Variants in FBXL18 observed in about 807,000 individuals in gnomAD.
The protein encoded by FBXL18 is F-box and leucine rich repeat protein 18, also known as F-box/LRR-repeat protein 18.
Under a neutral mutation model 46.0 loss-of-function variants are expected in FBXL18, and 36 were observed. The ratio of observed to expected loss-of-function variants is 0.78; its 90% CI spans 0.60 to 1.03. The LOEUF is 1.03. Ranked by LOEUF, FBXL18 falls within the 50% of genes least tolerant of loss-of-function variation. The probability of loss-of-function intolerance (pLI) is 0.00; values close to 1 mark genes in which losing one functional copy is unlikely to be tolerated. For synonymous variants in FBXL18, 557 were observed against 465.3 expected, an observed-to-expected ratio of 1.20 and a Z score of -2.54; for missense variants, 977 against 1,004.1, an observed-to-expected ratio of 0.97 and a Z score of 0.36.
downstream of FBXL18, among the ~76,000 whole-genome samples, chr7:5,471,363 G>A (rs912756600): frequency 4.6e-5 from 7 of 152,112 alleles, no homozygotes; most frequent in African/African-American, 1.4e-4. Context: ...TACAACCTCC[G>A]CCTCCCGGGT....
Position 5,496,877 on chromosome 7 carries a change from A to C in FBXL18, c.1781+3611T>G, listed in dbSNP as rs1271289262. Among the ~76,000 whole-genome samples the C allele has an allele frequency of 6.6e-6, 1 of 151,878 alleles. No homozygotes were observed. Among genetic ancestry groups the C allele is most frequent in the Non-Finnish European group, 1.5e-5 (1 of 67,936 alleles). On this transcript the variant is annotated intron_variant, in intron 3 of 4. Transcript: ENST00000382368. The surrounding 1 kb of genome is among the most constrained non-coding windows in gnomAD (Gnocchi z 4.8). ...CCCGTCTCTACTAAAAATACAAAAA[A>C]AAAATTAGCCGAGTATGGTGGTGGG... is the stretch of plus-strand genomic sequence containing the variant.
At chr7:5,486,783 G>A (rs999548070) in intron 4 of FBXL18, among the ~76,000 whole-genome samples, 1 of 152,210 alleles carries the variant, frequency 6.6e-6, no homozygotes, top group African/African-American at 2.4e-5. Flanking sequence ...ACAGGTCACC[G>A]GCGACAGGTC....
intron 3 of FBXL18, chr7:5,495,951 C>G (rs749827057): frequency 8.6e-6 from 4 of 464,880 alleles, no homozygotes; most frequent in Non-Finnish European, 1.8e-5. Flanking sequence ...TGAGCAGGGT[C>G]GGTCTCTCAG....
chr7:5,499,257 C>T (rs369803848), intron 3 of FBXL18, among the ~76,000 whole-genome samples: 31 of 152,020 alleles, frequency 2.0e-4, no homozygotes, highest in African/African-American at 5.8e-4. Flanking sequence ...TGAAACCCCT[C>T]GGCACTGTTG....
rs1309849297 is a variant in FBXL18 at position 5,505,580 on chromosome 7, T to C, written c.69A>G (p.Ala23=). Reference sequence around the variant, plus strand: ...AGAACCCTAGGAGGTGGACCCCGTCTGCCATCCCGGCTGCTGCAGGGTGCA... The same window carrying C: ...AGAACCCTAGGAGGTGGACCCCGTCCGCCATCCCGGCTGCTGCAGGGTGCA... ...DDMHPAAAGM[A]DGVHLLGFSD... is the part of the protein sequence containing the mutation. The change falls in exon 2 of 5, where the codon GCA becomes GCG. Residue 23 remains alanine (A), a synonymous_variant. Coordinates refer to ENST00000382368, the MANE Select transcript of FBXL18 (RefSeq NM_024963.6). The C allele has an allele frequency of 6.2e-7, 1 of 1,614,076 alleles. No homozygotes were observed. The highest frequency in any genetic ancestry group is 1.3e-5 in the African/African-American group (1 of 75,042).
intron 4 of FBXL18, among the ~76,000 whole-genome samples, chr7:5,457,861 G>A (rs939775235): frequency 9.2e-5 from 14 of 152,160 alleles, no homozygotes; most frequent in Non-Finnish European, 1.9e-4. Flanking sequence ...GCTGGCCTGG[G>A]CCCACAGCCT....
downstream of FBXL18, among the ~76,000 whole-genome samples, chr7:5,474,910 G>A (rs1191469544): frequency 1.0e-4 from 15 of 149,320 alleles, no homozygotes; most frequent in Admixed American, 2.7e-4. Context: ...GGGTTTCACC[G>A]TGTTCGCCAG....
At chr7:5,489,557 T>G (rs1184304883) in intron 4 of FBXL18, 36 of 295,678 alleles carry the variant, frequency 1.2e-4, no homozygotes, top group Non-Finnish European at 1.9e-4. Flanking sequence ...GATCATGAGG[T>G]CAGGAGATCG....
At chr7:5,487,761 C>T (rs776146911) in intron 4 of FBXL18, among the ~76,000 whole-genome samples, 2 of 152,164 alleles carry the variant, frequency 1.3e-5, no homozygotes, top group Non-Finnish European at 2.9e-5. Flanking sequence ...AGGCACACTG[C>T]GAACACGGAC....
downstream of FBXL18, among the ~76,000 whole-genome samples, chr7:5,472,423 C>G (rs925737768): frequency 2.6e-5 from 4 of 152,190 alleles, no homozygotes; most frequent in Non-Finnish European, 4.4e-5. Flanking sequence ...AGCCAGGGCC[C>G]GTCCTTCTGG....
chr7:5,500,431 C>T, intron 3 of FBXL18, 57 bp downstream of exon 3: 1 of 1,501,270 alleles, frequency 6.7e-7, no homozygotes, highest in Non-Finnish European at 9.0e-7. Context: ...CGCGAACGCC[C>T]CAGTTCCCTC....
downstream of FBXL18, among the ~76,000 whole-genome samples, chr7:5,474,839 C>T (rs898924834): frequency 1.9e-4 from 29 of 150,898 alleles, no homozygotes; most frequent in Admixed American, 3.3e-4. Context: ...TCCCGAGCAG[C>T]TGGGACTACA....
At chr7:5,495,832 C>G (rs1325474161) in intron 3 of FBXL18, 3 of 479,540 alleles carry the variant, frequency 6.3e-6, no homozygotes, top group Non-Finnish European at 4.3e-6. Context: ...CAGCTGGCAG[C>G]GTCTGGGAAC....
At position 5,476,374 on chromosome 7, in the gene FBXL18, C is replaced by A. The variant is rs1478470336; in HGVS notation, c.*5401G>T. The stretch of plus-strand genomic sequence containing the variant: ...TGGAGAAAAGCCTCCCGGGACCAAC[C>A]CTCATTCCCAGGTCCACTGATCTGG... On this transcript the variant is annotated 3_prime_UTR_variant, in exon 5 of 5. Coordinates refer to ENST00000382368, the MANE Select transcript of FBXL18 (RefSeq NM_024963.6). The A allele has an allele frequency of 6.6e-6, 1 of 152,232 alleles. No individual in the cohort carries two copies. Among genetic ancestry groups the A allele is most frequent in the Non-Finnish European group, 1.5e-5 (1 of 68,058 alleles). 9.4% of individuals were successfully genotyped at this position (152,232 alleles called of 1,614,324 possible).
chr7:5,489,139 G>A (rs935690036), intron 4 of FBXL18: 4 of 416,764 alleles, frequency 9.6e-6, no homozygotes, highest in Admixed American at 2.7e-5. Context: ...GAACCAGGGC[G>A]GACCACGACA....
rs550353030 is a variant in FBXL18 at position 5,482,256 on chromosome 7, G to A, written c.2001-325C>T. Among the ~76,000 whole-genome samples, 12 of 152,316 alleles carry A rather than the reference G, an allele frequency of 7.9e-5. No individual in the cohort carries two copies. The South Asian group carries it at 2.3e-3, about 29-fold the overall frequency. On this transcript the variant is annotated intron_variant, in intron 4 of 4. Transcript: ENST00000382368. ...TGCAGACGTGCTGCTGGGCCCCAGG[G>A]CAGCAGAGGGACCCCACTGCAGGAG...
At chr7:5,457,916 C>A (rs73043414) in intron 4 of FBXL18, among the ~76,000 whole-genome samples, 5,372 of 152,244 alleles carry the variant, frequency 0.035, 125 homozygotes, top group Middle Eastern at 0.061. Context: ...AGCAACTATT[C>A]AATTCTCTCA....
chr7:5,484,934 C>T (rs770646050), intron 4 of FBXL18, among the ~76,000 whole-genome samples: 2 of 151,962 alleles, frequency 1.3e-5, no homozygotes, highest in South Asian at 2.1e-4. Context: ...CCACCATACC[C>T]GGCCATTATT....
chr7:5,500,901 C>A lies in FBXL18; in HGVS notation c.1368G>T (p.Val456=). ...RGFGKKVRVG[V]QSCPSPFSGQ... ...CCGAGAAGGGGCTGGGACAGGACTG[C>A]ACGCCCACACGCACTTTCTTGCCAA... is the stretch of plus-strand genomic sequence containing the variant. Residue 456 remains valine, a synonymous_variant, in exon 3 of 5, where the codon GTG becomes GTT. Coordinates refer to ENST00000382368, the MANE Select transcript of FBXL18 (RefSeq NM_024963.6). 6.3e-7 allele frequency: 1 copy of A among 1,576,656 alleles called. No homozygotes were observed.
Sources: allele counts gnomAD v4.1 joint callset (sites outside exome capture counted in the v4.1 genomes callset), GRCh38; gene constraint gnomAD v4.1.1; non-coding constraint Gnocchi (gnomAD v3.1); transcripts MANE v1.5; gene names NCBI Gene and HGNC (gene_info 2026-07-23, HGNC 2026-07-21).